Variants in RIMS3 observed in about 807,000 individuals in gnomAD.
The protein encoded by RIMS3 is regulating synaptic membrane exocytosis 3.
In RIMS3, 15 loss-of-function variants were observed where a neutral mutation model predicts 29.2. The ratio of observed to expected loss-of-function variants is 0.51; its 90% confidence interval spans 0.34 to 0.79. RIMS3 has a LOEUF of 0.79. Ranked by LOEUF, RIMS3 falls within the 30% of genes least tolerant of loss-of-function variation. The pLI is 0.01. For missense variants in RIMS3, 342 were observed against 421.4 expected (o/e 0.81, Z 1.65); for synonymous variants, 161 against 170.1 (o/e 0.95, Z 0.41).
At chr1:40,661,610 G>A (rs1301039657) in intron 1 of RIMS3, among the ~76,000 whole-genome samples, 2 of 152,214 alleles carry the variant, frequency 1.3e-5, no homozygotes, top group African/African-American at 4.8e-5. Context: ...CAGAGTTGAT[G>A]TCAGCCCCCA....
rs978871147 is a variant in RIMS3, at chr1:40,626,806, C to G, written c.715-77G>C. ...TGTGCAGCAGGCCTAGGAACCTACA[C>G]GTTTCAGCAGGGCACAGATGGAGCA... On this transcript the variant is annotated intron_variant, in intron 7 of 7. Coordinates refer to ENST00000372684, the MANE Select transcript of RIMS3 (RefSeq NM_014747.3). 8 of 1,364,076 alleles carry G rather than the reference C, an allele frequency of 5.9e-6. No individual in the cohort carries two copies. In the Admixed American group the frequency reaches 1.2e-4, roughly 21 times the overall value. 84.5% of individuals were successfully genotyped at this position (1,364,076 alleles called of 1,614,324 possible).
chr1:40,645,885 G>C lies in RIMS3; in HGVS notation c.-32+1783C>G, dbSNP rs78723022. 2.6e-5 allele frequency among the ~76,000 whole-genome samples: 4 copies of C among 152,206 alleles called. No individual in the cohort carries two copies. In the East Asian group the frequency reaches 5.8e-4, roughly 22 times the overall value. On this transcript the variant is annotated intron_variant, in intron 2 of 7. Transcript: ENST00000372684. Reference sequence around the variant, plus strand: ...TCTTTAACCATCTAGGGATCAACCAGGGGGGCTGGAGAACTGAAAAATGCT... The same window carrying C: ...TCTTTAACCATCTAGGGATCAACCACGGGGGCTGGAGAACTGAAAAATGCT...
chr1:40,635,402 ATTTCTT>A lies in RIMS3; in HGVS notation c.359+508_359+513del, dbSNP rs1646513288. Among the ~76,000 whole-genome samples the A allele has an allele frequency of 6.6e-6, 1 of 152,144 alleles. No individual in the cohort carries two copies. Among genetic ancestry groups the A allele is most frequent in the African/African-American group, 2.4e-5 (1 of 41,426 alleles). On this transcript the variant is annotated intron_variant, in intron 4 of 7. Transcript: ENST00000372684. This position sits in a 1 kb window ranked among gnomAD's most constrained non-coding sequence, Gnocchi z 4.1. ...TATTCTTACTTCATAAGATATGTCT[ATTTCTT>A]TTTCTAATGCTGGTTTTGACCCACT...
At chr1:40,672,525 G>T in the RIMS3 span, among the ~76,000 whole-genome samples, 1 of 152,142 alleles carries the variant, frequency 6.6e-6, no homozygotes, top group Non-Finnish European at 1.5e-5. Flanking sequence ...GTTTCTTCTG[G>T]TTCAAACACG....
At chr1:40,685,324 A>ATATATAATATAATTATATTATATATATAT in the RIMS3 span, among the ~76,000 whole-genome samples, 20 of 18,006 alleles carry the variant, frequency 1.1e-3, no homozygotes, top group South Asian at 6.4e-3. Flanking sequence ...ATAATTATTA[A>ATATATAATATAATTATATTATATATATAT]TATATAATAT....
chr1:40,629,704 G>A (rs1646477420), intron 5 of RIMS3, among the ~76,000 whole-genome samples: 1 of 152,186 alleles, frequency 6.6e-6, no homozygotes, highest in Non-Finnish European at 1.5e-5. Flanking sequence ...TGAGGACAGA[G>A]CTTCCTGTGT....
In RIMS3 at chr1:40,626,416, G is replaced by A; in HGVS notation, c.*101C>T. 2 of 1,119,046 alleles carry A rather than the reference G, an allele frequency of 1.8e-6. No individual in the cohort carries two copies. Among genetic ancestry groups the A allele is most frequent in the Non-Finnish European group, 1.3e-6 (1 of 761,474 alleles). 69.3% of individuals were successfully genotyped at this position (1,119,046 alleles called of 1,614,324 possible). A position where few individuals can be genotyped will look rare whatever the true frequency, so the allele number is the denominator to read the frequency against. On this transcript the variant is annotated 3_prime_UTR_variant, in exon 8 of 8. Coordinates refer to ENST00000372684, the MANE Select transcript of RIMS3 (RefSeq NM_014747.3). ...CCAGTAGCCAACAGGCATGCAGCAG[G>A]ACAAGGGGTCCAGAAAGACACGAAG... is the stretch of plus-strand genomic sequence containing the variant.
chr1:40,681,061 CTT>C, the RIMS3 span, among the ~76,000 whole-genome samples: 1 of 152,220 alleles, frequency 6.6e-6, no homozygotes, highest in African/African-American at 2.4e-5. Context: ...CAGATACTCT[CTT>C]GTTTGCATTG....
chr1:40,633,212 G>A (rs1348215076), intron 4 of RIMS3, 31 bp from the exon 5 acceptor site: 1 of 1,560,622 alleles, frequency 6.4e-7, no homozygotes, highest in Non-Finnish European at 8.8e-7. Context: ...ACGCGTGAGG[G>A]GGTCAGGGCA....
In RIMS3 at chr1:40,623,091, T is replaced by C. The variant is rs1205046725; in HGVS notation, c.*3426A>G. The C allele has an allele frequency of 3.8e-6, 1 of 263,230 alleles. No homozygotes were observed. The highest frequency in any genetic ancestry group is 7.1e-6 in the Non-Finnish European group (1 of 140,630). 16.3% of individuals were successfully genotyped at this position (263,230 alleles called of 1,614,324 possible). On this transcript the variant is annotated 3_prime_UTR_variant, in exon 8 of 8. Coordinates refer to ENST00000372684, the MANE Select transcript of RIMS3 (RefSeq NM_014747.3). The stretch of plus-strand genomic sequence containing the variant: ...ACCTCAGTGTTCTAACCGGCAGTGA[T>C]TCCACAGAGGATGAGCTCTATGGGT...
In RIMS3 at chr1:40,652,628, A is replaced by C. The variant is rs187646623; in HGVS notation, c.-206-4786T>G. On this transcript the variant is annotated intron_variant, in intron 1 of 7. Coordinates refer to ENST00000372684, the MANE Select transcript of RIMS3 (RefSeq NM_014747.3). ...CAGAGGCTGGCGAACACAGCAGCGC[A>C]GTTGGAGAGGAGGTAGGTACAACTG... 2.2e-4 allele frequency among the ~76,000 whole-genome samples: 34 copies of C among 152,326 alleles called. No homozygotes were observed. In the East Asian group the frequency reaches 6.0e-3, roughly 27 times the overall value.
intron 3 of RIMS3, among the ~76,000 whole-genome samples, chr1:40,639,289 A>T (rs185098365): frequency 1.4e-3 from 206 of 152,322 alleles, no homozygotes; most frequent in Non-Finnish European, 2.4e-3. Flanking sequence ...AATGCCCATG[A>T]GTCTGCCTCA....
chr1:40,677,718 A>T, the RIMS3 span, among the ~76,000 whole-genome samples: 25 of 152,028 alleles, frequency 1.6e-4, no homozygotes, highest in East Asian at 3.9e-4. Context: ...AAATAAATAA[A>T]TAATTAATTA....
At chr1:40,668,863 C>T (rs1259172935), upstream of RIMS3, among the ~76,000 whole-genome samples, 2 of 152,190 alleles carry the variant, frequency 1.3e-5, no homozygotes, top group East Asian at 3.9e-4. Context: ...CAAGCCGAGA[C>T]GGGGACGAGC....
At chr1:40,664,862 C>T (rs1022591564) in intron 1 of RIMS3, among the ~76,000 whole-genome samples, 2 of 152,120 alleles carry the variant, frequency 1.3e-5, no homozygotes, top group Non-Finnish European at 2.9e-5. Flanking sequence ...ATGCTGCTGA[C>T]CAACTGCATT....
chr1:40,662,221 A>T (rs2148363131), intron 1 of RIMS3, among the ~76,000 whole-genome samples: 1 of 152,054 alleles, frequency 6.6e-6, no homozygotes, highest in East Asian at 1.9e-4. Context: ...GCCTGCCCAC[A>T]CTGCCCTCCC....
the RIMS3 span, among the ~76,000 whole-genome samples, chr1:40,673,900 G>A: frequency 1.3e-5 from 2 of 152,050 alleles, no homozygotes; most frequent in Admixed American, 6.6e-5. Flanking sequence ...GGCATCACAG[G>A]GGAGTTGTAA....
intron 1 of RIMS3, among the ~76,000 whole-genome samples, chr1:40,649,882 G>A (rs975405563): frequency 3.9e-5 from 6 of 152,178 alleles, no homozygotes; most frequent in African/African-American, 1.4e-4. Context: ...GTATGGTAAG[G>A]GATGGGTTGA....
At chr1:40,659,398 G>T (rs1037290679) in intron 1 of RIMS3, among the ~76,000 whole-genome samples, 1 of 152,168 alleles carries the variant, frequency 6.6e-6, no homozygotes, top group African/African-American at 2.4e-5. Context: ...AGCAGGGGGT[G>T]ACGGGGTCAG....
Sources: allele counts gnomAD v4.1 joint callset (sites outside exome capture counted in the v4.1 genomes callset), GRCh38; gene constraint gnomAD v4.1.1; non-coding constraint Gnocchi (gnomAD v3.1); transcripts MANE v1.5; gene names NCBI Gene and HGNC (gene_info 2026-07-23, HGNC 2026-07-21).